The following CCBE1 variants were observed in gnomAD, a reference collection of about 807,000 sequenced individuals.
The protein encoded by CCBE1 is collagen and calcium binding EGF domains 1.
Under a neutral mutation model 50.0 loss-of-function variants are expected in CCBE1, and 37 were observed. The ratio of observed to expected loss-of-function variants is 0.74; its 90% CI spans 0.57 to 0.97. The LOEUF (loss-of-function observed/expected upper bound fraction) is 0.97. Among genes scored for constraint, CCBE1 ranks in the 50% least tolerant of loss-of-function variants. The probability of loss-of-function intolerance (pLI) is 0.00; values close to 1 mark genes in which losing one functional copy is unlikely to be tolerated. For synonymous variants in CCBE1, 234 were observed against 203.7 expected (o/e 1.15, Z -1.27); for missense variants, 538 against 523.8 (o/e 1.03, Z -0.26).
chr18:59,606,030 G>T (rs1401746794), intron 2 of CCBE1, among the ~76,000 whole-genome samples: 1 of 152,168 alleles, frequency 6.6e-6, no homozygotes, highest in South Asian at 2.1e-4. Context: ...CAACCACGAT[G>T]ATCTCAACGC....
intron 3 of CCBE1, 59 bp downstream of exon 3, chr18:59,480,127 T>A (rs1360790190): frequency 4.7e-6 from 5 of 1,053,788 alleles, no homozygotes; most frequent in Admixed American, 1.7e-5. Flanking sequence ...CTGAAGTTGA[T>A]AGACTTTGAA....
chr18:59,543,853 A>AG (rs1555690375), intron 2 of CCBE1, among the ~76,000 whole-genome samples: 10 of 150,046 alleles, frequency 6.7e-5, no homozygotes, highest in Non-Finnish European at 1.3e-4. Context: ...AAAAAAAAAA[A>AG]AAAAACAGAA....
intron 2 of CCBE1, among the ~76,000 whole-genome samples, chr18:59,616,622 T>C (rs2053640224): frequency 2.0e-5 from 3 of 152,296 alleles, no homozygotes; most frequent in Admixed American, 2.0e-4. Flanking sequence ...GTCCTGGCCC[T>C]AAGACCCCAG....
chr18:59,644,135 T>G (rs578128804), intron 2 of CCBE1, among the ~76,000 whole-genome samples: 1 of 152,302 alleles, frequency 6.6e-6, no homozygotes, highest in African/African-American at 2.4e-5. Context: ...CATGAGGCAT[T>G]TATTAGATTC....
intron 2 of CCBE1, among the ~76,000 whole-genome samples, chr18:59,540,787 T>C (rs1160044530): frequency 6.6e-6 from 1 of 152,224 alleles, no homozygotes; most frequent in African/African-American, 2.4e-5. Flanking sequence ...CAGAGTTAAG[T>C]ACTCATAACA....
intron 2 of CCBE1, among the ~76,000 whole-genome samples, chr18:59,678,143 T>C (rs1265091222): frequency 6.6e-6 from 1 of 152,164 alleles, no homozygotes; most frequent in Non-Finnish European, 1.5e-5. Context: ...AGTTGATAGC[T>C]GAATTTTCTC....
intron 2 of CCBE1, among the ~76,000 whole-genome samples, chr18:59,529,294 T>C (rs35443920): frequency 0.28 from 42,184 of 152,020 alleles, 6,049 homozygotes; most frequent in African/African-American, 0.33. Flanking sequence ...TCCTCCCAGG[T>C]CCAAACCACC....
chr18:59,469,524 A>T lies in CCBE1; in HGVS notation c.349T>A (p.Tyr117Asn). 1 of 1,614,208 alleles carries T rather than the reference A, an allele frequency of 6.2e-7. No individual in the cohort carries two copies. Among genetic ancestry groups the T allele is most frequent in the Non-Finnish European group, 8.5e-7 (1 of 1,180,032 alleles). Residue 117 changes from tyrosine to asparagine, a missense_variant, in exon 4 of 11, where the codon TAC (tyrosine) becomes AAC (asparagine). Transcript: ENST00000439986. Reference protein sequence around the residue: ...GRVLCTCYPGYRYDRERHRKR... With the variant: ...GRVLCTCYPGNRYDRERHRKR... ...CGGTGTCTCTCCCGGTCATATCGGTATCCCGGATAACAAGTACACAGCACT... is the reference window on the plus strand; with the variant it reads ...CGGTGTCTCTCCCGGTCATATCGGTTTCCCGGATAACAAGTACACAGCACT...
At chr18:59,630,174 T>C (rs983884909) in intron 2 of CCBE1, among the ~76,000 whole-genome samples, 1 of 152,068 alleles carries the variant, frequency 6.6e-6, no homozygotes, top group African/African-American at 2.4e-5. Context: ...CTCCGCCTCA[T>C]GCTCGTGCTC....
intron 2 of CCBE1, among the ~76,000 whole-genome samples, chr18:59,623,946 A>C (rs2053744968): frequency 6.6e-6 from 1 of 152,222 alleles, no homozygotes; most frequent in Non-Finnish European, 1.5e-5. Context: ...GGTTTTTATT[A>C]ATCATGTTCC....
intron 2 of CCBE1, among the ~76,000 whole-genome samples, chr18:59,489,022 G>A (rs972761879): frequency 4.6e-5 from 7 of 152,190 alleles, no homozygotes; most frequent in Non-Finnish European, 1.0e-4. Context: ...AGGGACCAGG[G>A]TCTCAACCAT....
At chr18:59,603,596 T>C (rs1296572086) in intron 2 of CCBE1, among the ~76,000 whole-genome samples, 1 of 152,254 alleles carries the variant, frequency 6.6e-6, no homozygotes, top group Admixed American at 6.5e-5. Context: ...ACTAATTATA[T>C]GTTCCTGTGT....
At chr18:59,654,430 AG>A (rs2054161045) in intron 2 of CCBE1, among the ~76,000 whole-genome samples, 2 of 152,212 alleles carry the variant, frequency 1.3e-5, no homozygotes, top group Admixed American at 6.5e-5. Flanking sequence ...GTTCGAAACA[AG>A]CCTGGCCAAC....
At chr18:59,637,572 G>T (rs554109242) in intron 2 of CCBE1, among the ~76,000 whole-genome samples, 8 of 152,260 alleles carry the variant, frequency 5.3e-5, no homozygotes, top group African/African-American at 1.9e-4. Flanking sequence ...ACTCATTAAA[G>T]TTCATTCTTT....
At chr18:59,696,774 TG>T in intron 1 of CCBE1, 65 bp from the exon 2 acceptor site, 1 of 1,545,496 alleles carries the variant, frequency 6.5e-7, no homozygotes. Flanking sequence ...CAGCGCGCGC[TG>T]GGGAATCCCT....
intron 2 of CCBE1, among the ~76,000 whole-genome samples, chr18:59,561,068 C>T (rs1479493727): frequency 6.6e-6 from 1 of 152,188 alleles, no homozygotes; most frequent in African/African-American, 2.4e-5. Flanking sequence ...CAGCCTAGTA[C>T]TGACACCATA....
At chr18:59,437,604 C>G (rs997017747) in intron 10 of CCBE1, among the ~76,000 whole-genome samples, 2 of 152,204 alleles carry the variant, frequency 1.3e-5, no homozygotes, top group African/African-American at 2.4e-5. Flanking sequence ...TTGAATACTA[C>G]TATTTCTCAT....
intron 2 of CCBE1, among the ~76,000 whole-genome samples, chr18:59,593,053 A>G (rs146204025): frequency 6.6e-6 from 1 of 152,194 alleles, no homozygotes; most frequent in South Asian, 2.1e-4. Context: ...GATAGTGGTT[A>G]ATTTGGGAGA....
chr18:59,513,642 G>T (rs1914234718), intron 2 of CCBE1, among the ~76,000 whole-genome samples: 1 of 152,230 alleles, frequency 6.6e-6, no homozygotes, highest in African/African-American at 2.4e-5. Flanking sequence ...GATAGCCCAT[G>T]AATCTCGAGG....
Sources: allele counts gnomAD v4.1 joint callset (sites outside exome capture counted in the v4.1 genomes callset), GRCh38; gene constraint gnomAD v4.1.1; transcripts MANE v1.5; gene names NCBI Gene and HGNC (gene_info 2026-07-23, HGNC 2026-07-21).